PAH: variants seen among roughly 807,000 people sequenced by gnomAD.
PAH encodes the protein phenylalanine hydroxylase, also known as phenylalanine-4-hydroxylase.
A neutral mutation model predicts 62.0 loss-of-function variants in PAH; 64 were observed. The observed-to-expected ratio is 1.03, with a 90% confidence interval of 0.84 to 1.27. The LOEUF is 1.27. PAH is among the 50% of genes most tolerant of loss of function. The pLI is 0.00. For synonymous variants in PAH, 195 were observed against 196.2 expected, an observed-to-expected ratio of 0.99 and a Z score of 0.05; for missense variants, 579 against 542.8, an observed-to-expected ratio of 1.07 and a Z score of -0.66.
At chr12:102,919,150 CTA>C (rs920623958), upstream of PAH, among the ~76,000 whole-genome samples, 4 of 152,304 alleles carry the variant, frequency 2.6e-5, no homozygotes, top group Non-Finnish European at 5.9e-5. Flanking sequence ...CAAATTCAAT[CTA>C]TGTTTCACCC....
At chr12:102,896,978 C>T (rs1877532111) in intron 2 of PAH, among the ~76,000 whole-genome samples, 1 of 152,172 alleles carries the variant, frequency 6.6e-6, no homozygotes, top group African/African-American at 2.4e-5. Flanking sequence ...GTCATAAATT[C>T]TTTAACCAAT....
rs1879138346 is a variant in PAH at position 102,937,426 on chromosome 12, G to T, written c.-96+13163C>A. Among the ~76,000 whole-genome samples, 3 of 151,710 alleles carry T rather than the reference G, an allele frequency of 2.0e-5. No individual in the cohort carries two copies. The South Asian group carries it at 6.2e-4, about 32-fold the overall frequency. On this transcript the variant is annotated intron_variant, in intron 1 of 3. Coordinates refer to the PAH transcript ENST00000546844. Reference sequence around the variant, plus strand: ...TTACTTTTTTTTGTACCTGTTATATGGTTTTTTATTTGAGGGTACCAATGA... The same window carrying T: ...TTACTTTTTTTTGTACCTGTTATATTGTTTTTTATTTGAGGGTACCAATGA...
At chr12:102,865,910 T>C (rs995553088) in intron 5 of PAH, among the ~76,000 whole-genome samples, 1 of 152,186 alleles carries the variant, frequency 6.6e-6, no homozygotes, top group Non-Finnish European at 1.5e-5. Flanking sequence ...TGTCTTTTCT[T>C]AATCCCTTAA....
chr12:102,851,820 T>C (rs949413902), intron 7 of PAH, 64 bp from the exon 8 acceptor site: 1 of 1,225,478 alleles, frequency 8.2e-7, no homozygotes. Context: ...AGACTCAGTC[T>C]TTCTACATGA....
intron 2 of PAH, among the ~76,000 whole-genome samples, chr12:102,902,063 G>A (rs1169769690): frequency 6.6e-6 from 1 of 152,208 alleles, no homozygotes; most frequent in Admixed American, 6.5e-5. Context: ...ATTGTGCATG[G>A]GGGTGCTATT....
chr12:102,853,028 A>C, intron 6 of PAH, 78 bp from the exon 7 acceptor site: 1 of 1,496,646 alleles, frequency 6.7e-7, no homozygotes, highest in South Asian at 1.2e-5. Flanking sequence ...TAGGTAGTGG[A>C]GTAGTACACA....
chr12:102,958,037 A>T (rs148894799), intron 1 of PAH: 3 of 399,372 alleles, frequency 7.5e-6, no homozygotes, highest in Non-Finnish European at 1.3e-5. Context: ...GAGGAGAAAA[A>T]GCATTTTCAC....
At chr12:102,918,036 C>G (rs1052402022), upstream of PAH, among the ~76,000 whole-genome samples, 1 of 152,190 alleles carries the variant, frequency 6.6e-6, no homozygotes, top group African/African-American at 2.4e-5. Flanking sequence ...ACAAAACAGA[C>G]TCTGCCTCCC....
chr12:102,955,357 C>T (rs1879881208), upstream of PAH, among the ~76,000 whole-genome samples: 1 of 148,202 alleles, frequency 6.7e-6, no homozygotes, highest in African/African-American at 2.5e-5. Flanking sequence ...GTGTGTAGAT[C>T]AGAAAACTGA....
chr12:102,922,545 T>A (rs1878582392), intron 1 of PAH, among the ~76,000 whole-genome samples: 1 of 152,236 alleles, frequency 6.6e-6, no homozygotes, highest in Non-Finnish European at 1.5e-5. Flanking sequence ...GAGGTCACGC[T>A]GTTTACTACA....
intron 2 of PAH, among the ~76,000 whole-genome samples, chr12:102,911,017 C>T (rs1235498668): frequency 1.3e-5 from 2 of 152,158 alleles, no homozygotes; most frequent in Non-Finnish European, 2.9e-5. Flanking sequence ...CCTTTCCATT[C>T]TCATTCCAGA....
chr12:102,888,187 T>C (rs1296598734), intron 3 of PAH, among the ~76,000 whole-genome samples: 1 of 152,106 alleles, frequency 6.6e-6, no homozygotes, highest in Admixed American at 6.6e-5. Context: ...TTATATCATA[T>C]AATCCACACA....
chr12:102,839,150 G>C lies in PAH; in HGVS notation c.*25C>G. ...GATCTCCATCAACAGATTCACAGCT[G>C]ACAGACCACATTCTGTCCATGGCTT... is the stretch of plus-strand genomic sequence containing the variant. On this transcript the variant is annotated 3_prime_UTR_variant, in exon 13 of 13. Transcript: ENST00000553106. 6.2e-7 allele frequency: 1 copy of C among 1,609,028 alleles called. No individual in the cohort carries two copies. The highest frequency in any genetic ancestry group is 8.5e-7 in the Non-Finnish European group (1 of 1,175,526).
intron 5 of PAH, among the ~76,000 whole-genome samples, chr12:102,866,083 G>GAA (rs3062690): frequency 1.2e-4 from 17 of 144,904 alleles, no homozygotes; most frequent in African/African-American, 3.8e-4. Context: ...CCCCAGACAG[G>GAA]AAAAAAAAAA....
At chr12:102,893,418 A>AT (rs1352584060) in intron 3 of PAH, among the ~76,000 whole-genome samples, 6 of 151,768 alleles carry the variant, frequency 4.0e-5, no homozygotes, top group Admixed American at 6.6e-5. Flanking sequence ...AAAAATAAAA[A>AT]TAAAAAATAA....
chr12:102,906,285 T>G (rs1877974363), intron 2 of PAH, among the ~76,000 whole-genome samples: 1 of 152,158 alleles, frequency 6.6e-6, no homozygotes, highest in South Asian at 2.1e-4. Flanking sequence ...TACAGGACAT[T>G]TGGAGAAAAA....
At chr12:102,864,913 A>G (rs1169247554) in intron 5 of PAH, among the ~76,000 whole-genome samples, 3 of 152,156 alleles carry the variant, frequency 2.0e-5, no homozygotes, top group Admixed American at 6.6e-5. Context: ...GAGATGAGAT[A>G]AAGTCAAGTC....
chr12:102,926,224 C>T (rs1351782044), intron 1 of PAH, among the ~76,000 whole-genome samples: 2 of 151,976 alleles, frequency 1.3e-5, no homozygotes, highest in Non-Finnish European at 2.9e-5. Flanking sequence ...ATGGGGGATA[C>T]TGGTTTAAGT....
intron 1 of PAH, among the ~76,000 whole-genome samples, chr12:102,934,996 A>G (rs557912982): frequency 5.9e-5 from 9 of 152,238 alleles, no homozygotes; most frequent in African/African-American, 2.2e-4. Context: ...AAAGGCTTTC[A>G]GTCTTTCCCC....
Sources: allele counts gnomAD v4.1 joint callset (sites outside exome capture counted in the v4.1 genomes callset), GRCh38; gene constraint gnomAD v4.1.1; transcripts MANE v1.5; gene names NCBI Gene and HGNC (gene_info 2026-07-23, HGNC 2026-07-21).